The following PPP1R21 variants were observed in gnomAD, a reference collection of about 807,000 sequenced individuals.
The protein encoded by PPP1R21 is KLRAQ motif containing 1.
PPP1R21 carries 85 observed loss-of-function variants against 112.8 expected under a neutral mutation model. The observed-to-expected ratio is 0.75, with a 90% CI of 0.63 to 0.90. The LOEUF (loss-of-function observed/expected upper bound fraction) is 0.90. Ranked by LOEUF, PPP1R21 falls within the 40% of genes least tolerant of loss-of-function variation. The pLI is 0.00. For synonymous variants in PPP1R21, 381 were observed against 322.3 expected, an observed-to-expected ratio of 1.18 and a Z score of -1.95; for missense variants, 1,199 against 901.5, an observed-to-expected ratio of 1.33 and a Z score of -4.23.
chr2:48,448,485 C>G (rs1237233436), intron 1 of PPP1R21, among the ~76,000 whole-genome samples: 1 of 152,140 alleles, frequency 6.6e-6, no homozygotes, highest in East Asian at 1.9e-4. Context: ...GAACTTCAAG[C>G]TTCATTCTTA....
chr2:48,460,195 C>A, intron 6 of PPP1R21, 42 bp downstream of exon 6: 1 of 1,596,404 alleles, frequency 6.3e-7, no homozygotes, highest in Non-Finnish European at 8.6e-7. Flanking sequence ...TGAAGCAAGA[C>A]TCAGAAGACA....
chr2:48,449,096 GT>G (rs1318489835), intron 1 of PPP1R21, among the ~76,000 whole-genome samples: 1 of 150,920 alleles, frequency 6.6e-6, no homozygotes, highest in Non-Finnish European at 1.5e-5. Context: ...CTTTTAAAGT[GT>G]AAGTTCTTTG....
In PPP1R21 at chr2:48,471,346, T is replaced by G. The variant is rs1324499752; in HGVS notation, c.1067T>G (p.Ile356Ser). The G allele has an allele frequency of 6.2e-7, 1 of 1,609,850 alleles. No homozygotes were observed. Among genetic ancestry groups the G allele is most frequent in the Admixed American group, 1.7e-5 (1 of 59,120 alleles). ...TCCTACATATGTTTTCTTAGGAAGA[T>G]TCTTCCCTATCAGTTAAAAAGGTAG... is the stretch of plus-strand genomic sequence containing the variant. Reference protein sequence around the residue: ...LTSYICFLRKILPYQLKSLEE... With the variant: ...LTSYICFLRKSLPYQLKSLEE... The change falls in exon 11 of 22, where the codon ATT becomes AGT. Residue 356 changes from isoleucine (I) to serine (S), a missense_variant. Transcript: ENST00000294952.
chr2:48,514,940 G>A lies in PPP1R21; in HGVS notation c.*196G>A, dbSNP rs1572906848. 1.8e-6 allele frequency: 1 copy of A among 556,424 alleles called. No individual in the cohort carries two copies. Among genetic ancestry groups the A allele is most frequent in the East Asian group, 2.9e-5 (1 of 34,352 alleles). 34.5% of individuals were successfully genotyped at this position (556,424 alleles called of 1,614,324 possible). On this transcript the variant is annotated 3_prime_UTR_variant, in exon 22 of 22. Transcript: ENST00000294952. Reference sequence around the variant, plus strand: ...AACCAGTGAGGCAAATACAGAAGTTGATGTCGGCAGTAAATGGAAAACAAT... The same window carrying A: ...AACCAGTGAGGCAAATACAGAAGTTAATGTCGGCAGTAAATGGAAAACAAT...
intron 21 of PPP1R21, among the ~76,000 whole-genome samples, chr2:48,513,784 ATG>A (rs1670744147): frequency 6.6e-6 from 1 of 152,204 alleles, no homozygotes; most frequent in African/African-American, 2.4e-5. Context: ...CATGAAGAAA[ATG>A]TATTTATGCC....
chr2:48,497,124 G>C (rs1005395047), intron 16 of PPP1R21, among the ~76,000 whole-genome samples: 1 of 152,212 alleles, frequency 6.6e-6, no homozygotes, highest in African/African-American at 2.4e-5. Context: ...ACTGCCGTCT[G>C]CAGGGGAGGC....
rs34546075 is a variant in PPP1R21 at position 48,507,749 on chromosome 2, C to CTTTTTTTTTTTTTTTT, written c.2085+383_2085+398dup. 2.4e-4 allele frequency among the ~76,000 whole-genome samples: 10 copies of CTTTTTTTTTTTTTTTT among 42,390 alleles called. 1 individual carries two copies. Among genetic ancestry groups the CTTTTTTTTTTTTTTTT allele is most frequent in the Non-Finnish European group, 3.1e-4 (8 of 25,834 alleles). 27.8% of individuals were successfully genotyped at this position (42,390 alleles called of 152,430 possible). On this transcript the variant is annotated intron_variant, in intron 19 of 21. Coordinates refer to ENST00000294952, the MANE Select transcript of PPP1R21 (RefSeq NM_001135629.3). ...AAGACTGATTTGAGTGAGGCTCTGC[C>CTTTTTTTTTTTTTTTT]TTTTTTTTTTTTTTTTTTTTTTTTT...
intron 2 of PPP1R21, among the ~76,000 whole-genome samples, chr2:48,451,839 A>G (rs996737522): frequency 1.3e-5 from 2 of 152,060 alleles, no homozygotes; most frequent in African/African-American, 4.8e-5. Flanking sequence ...CTCTTTTTGG[A>G]TAAGCCCCTG....
At chr2:48,503,565 A>T (rs1245528142) in intron 17 of PPP1R21, among the ~76,000 whole-genome samples, 1 of 152,176 alleles carries the variant, frequency 6.6e-6, no homozygotes, top group Non-Finnish European at 1.5e-5. Flanking sequence ...CTTGATCTTT[A>T]TTACCAAATT....
In PPP1R21 at chr2:48,505,586, C is replaced by T. The variant is rs1273158306; in HGVS notation, c.1958C>T (p.Ser653Phe). 2.6e-6 allele frequency: 4 copies of T among 1,550,548 alleles called. No homozygotes were observed. Among genetic ancestry groups the T allele is most frequent in the Non-Finnish European group, 3.5e-6 (4 of 1,145,458 alleles). Residue 653 changes from serine to phenylalanine, a missense_variant, in exon 18 of 22, where the codon TCT (serine) becomes TTT (phenylalanine). Physicochemically the swap from Ser to Phe is radical, Grantham distance 155. Transcript: ENST00000294952. ...TSLIGTLTRT[S>F]DSEVPDVESR... Reference sequence around the variant, plus strand: ...TAGATTGGGACTTTAACCAGGACATCTGACAGTGAGGTAACATGTGCTTGT... The same window carrying T: ...TAGATTGGGACTTTAACCAGGACATTTGACAGTGAGGTAACATGTGCTTGT...
intron 21 of PPP1R21, among the ~76,000 whole-genome samples, chr2:48,514,057 A>G (rs2103686535): frequency 6.6e-6 from 1 of 151,636 alleles, no homozygotes; most frequent in East Asian, 1.9e-4. Flanking sequence ...TTATTTAAAC[A>G]ATGACGAGAC....
intron 4 of PPP1R21, among the ~76,000 whole-genome samples, chr2:48,458,736 A>G (rs563868600): frequency 6.6e-6 from 1 of 152,010 alleles, no homozygotes; most frequent in African/African-American, 2.4e-5. Context: ...TATGTCAGGC[A>G]CTCAGATATT....
At chr2:48,513,929 C>T (rs936815216) in intron 21 of PPP1R21, among the ~76,000 whole-genome samples, 2 of 152,266 alleles carry the variant, frequency 1.3e-5, no homozygotes, top group South Asian at 4.1e-4. Context: ...CATCTTCTCT[C>T]TGATTTGTTC....
chr2:48,496,705 T>G (rs530701003), intron 16 of PPP1R21, among the ~76,000 whole-genome samples: 253 of 152,264 alleles, frequency 1.7e-3, no homozygotes, highest in Non-Finnish European at 3.0e-3. Flanking sequence ...TGACCTCAAG[T>G]GATCCCCTGC....
At chr2:48,466,771 G>A (rs1275203528) in intron 9 of PPP1R21, among the ~76,000 whole-genome samples, 11 of 152,148 alleles carry the variant, frequency 7.2e-5, no homozygotes, top group Non-Finnish European at 1.3e-4. Context: ...AGGGAGTGTG[G>A]GGGTTGGGAA....
intron 13 of PPP1R21, among the ~76,000 whole-genome samples, chr2:48,482,479 C>T (rs1669060396): frequency 6.6e-6 from 1 of 152,008 alleles, no homozygotes; most frequent in Non-Finnish European, 1.5e-5. Context: ...AGCATCACAG[C>T]CTATGATTTT....
intron 19 of PPP1R21, among the ~76,000 whole-genome samples, chr2:48,507,634 T>C (rs12620002): frequency 0.58 from 87,232 of 151,652 alleles, 25,482 homozygotes; most frequent in Middle Eastern, 0.67. Context: ...CCCAAAGTGC[T>C]GGGATTACAG....
At chr2:48,460,212 T>G in intron 6 of PPP1R21, 59 bp downstream of exon 6, 1 of 1,552,230 alleles carries the variant, frequency 6.4e-7, no homozygotes, top group African/African-American at 1.4e-5. Flanking sequence ...GACATGGGTT[T>G]TGGTTGTAGC....
chr2:48,503,997 C>G, intron 17 of PPP1R21, among the ~76,000 whole-genome samples: 1 of 151,048 alleles, frequency 6.6e-6, no homozygotes, highest in East Asian at 1.9e-4. Flanking sequence ...CAGTACCATT[C>G]CTTTGAAGGA....
Sources: allele counts gnomAD v4.1 joint callset (sites outside exome capture counted in the v4.1 genomes callset), GRCh38; gene constraint gnomAD v4.1.1; transcripts MANE v1.5; gene names NCBI Gene and HGNC (gene_info 2026-07-23, HGNC 2026-07-21).